The following CCDC88C variants were observed in gnomAD, a reference collection of about 807,000 sequenced individuals.
CCDC88C encodes the protein coiled-coil and HOOK domain protein 88C, also known as protein Daple.
In CCDC88C, 131 loss-of-function variants were observed where a neutral mutation model predicts 198.8. The observed-to-expected ratio is 0.66, with a 90% CI of 0.57 to 0.76. The LOEUF (loss-of-function observed/expected upper bound fraction) is 0.76, where lower values mean the gene tolerates loss of function less well. CCDC88C is among the 30% of genes least tolerant of loss of function. The probability of loss-of-function intolerance (pLI) is 0.00; values close to 1 mark genes in which losing one functional copy is unlikely to be tolerated. For missense variants in CCDC88C, 2,553 were observed against 2,631.6 expected, an observed-to-expected ratio of 0.97 and a Z score of 0.65; for synonymous variants, 1,166 against 1,114.7, an observed-to-expected ratio of 1.05 and a Z score of -0.92.
Position 91,321,155 on chromosome 14 carries a change from C to T in CCDC88C, c.1492G>A (p.Glu498Lys), listed in dbSNP as rs1183691475. Residue 498 changes from glutamate (E) to lysine (K), a missense_variant, in exon 13 of 30, where the codon GAG (glutamate) becomes AAG (lysine). Glu to Lys is a moderately conservative substitution (Grantham distance 56). Coordinates refer to ENST00000389857, the MANE Select transcript of CCDC88C (RefSeq NM_001080414.4). ...AGCTGGTGGTTCTCCTTCTCCAGCT[C>T]CCCGCACTTGAGGCCGCTCTCCTCC... ...VLEESGLKCGELEKENHQLSK... is the reference protein window; with the variant it reads ...VLEESGLKCGKLEKENHQLSK... 1 of 1,612,782 alleles carries T rather than the reference C, an allele frequency of 6.2e-7. No individual in the cohort carries two copies. The highest frequency in any genetic ancestry group is 1.1e-5 in the South Asian group (1 of 90,894).
At chr14:91,380,392 A>T (rs1201304918) in intron 3 of CCDC88C, among the ~76,000 whole-genome samples, 1 of 152,200 alleles carries the variant, frequency 6.6e-6, no homozygotes, top group Admixed American at 6.5e-5. Flanking sequence ...AGTTTTTAGA[A>T]GAGCGCCAAA....
chr14:91,281,101 T>C, intron 27 of CCDC88C: 1 of 476,134 alleles, frequency 2.1e-6, no homozygotes, highest in Non-Finnish European at 4.2e-6. Context: ...TCAGAGCTAC[T>C]ATGGGCAACT....
chr14:91,281,632 G>C (rs1724881428), intron 26 of CCDC88C, 107 bp from the exon 27 acceptor site: 1 of 924,296 alleles, frequency 1.1e-6, no homozygotes, highest in Non-Finnish European at 1.7e-6. Context: ...CCAGCTCTTG[G>C]GGATGAGGGA....
At position 91,273,168 on chromosome 14, in the gene CCDC88C, G is replaced by T; in HGVS notation, c.5544C>A (p.Pro1848=). 2 of 1,580,108 alleles carry T rather than the reference G, an allele frequency of 1.3e-6. No homozygotes were observed. Among genetic ancestry groups the T allele is most frequent in the East Asian group, 4.6e-5 (2 of 43,114 alleles). Residue 1848 remains proline, a synonymous_variant, in exon 30 of 30, where the codon CCC becomes CCA. Transcript: ENST00000389857. The surrounding 1 kb of genome is among the most constrained non-coding windows in gnomAD (Gnocchi z 5.6). ...CCAGGCTATGGGAGCTGGGGGGTGC[G>T]GGGCTTTGCAGGGTGTGGCTGCCTG... ...RETGSHTLQS[P]APPSSHSLAR... is the part of the protein sequence containing the mutation.
Position 91,395,365 on chromosome 14 carries a change from C to T in CCDC88C, c.270+13294G>A, listed in dbSNP as rs149764939. Among the ~76,000 whole-genome samples, 462 of 152,248 alleles carry T rather than the reference C, an allele frequency of 3.0e-3. 1 individual carries two copies. Among genetic ancestry groups the T allele is most frequent in the African/African-American group, 0.011 (439 of 41,544 alleles). ...AAACGTCTTGTGATCTCATTTGAGC[C>T]TCACAACCACCTATAAGGTAATTTT... On this transcript the variant is annotated intron_variant, in intron 3 of 29. Coordinates refer to ENST00000389857, the MANE Select transcript of CCDC88C (RefSeq NM_001080414.4).
chr14:91,277,673 C>A lies in CCDC88C; in HGVS notation c.5058+249G>T, dbSNP rs1031952137. Among the ~76,000 whole-genome samples, 11 of 152,336 alleles carry A rather than the reference C, an allele frequency of 7.2e-5. No individual in the cohort carries two copies. The South Asian group carries it at 1.2e-3, about 17-fold the overall frequency. On this transcript the variant is annotated intron_variant, in intron 29 of 29. Transcript: ENST00000389857. The stretch of plus-strand genomic sequence containing the variant: ...TGTAAGTCAGGTGCTGGCCACGCAC[C>A]CTTGGTGCGGGCCACAAGCTCTGCC...
intron 10 of CCDC88C, among the ~76,000 whole-genome samples, chr14:91,332,513 G>A (rs773616065): frequency 6.6e-6 from 1 of 152,152 alleles, no homozygotes; most frequent in Non-Finnish European, 1.5e-5. Context: ...TTGCCCTGAA[G>A]CCCGGGTCCT....
intron 3 of CCDC88C, among the ~76,000 whole-genome samples, chr14:91,395,082 G>C (rs1054320410): frequency 2.1e-4 from 32 of 152,180 alleles, no homozygotes; most frequent in Non-Finnish European, 1.5e-5. Flanking sequence ...AAGACTCTCA[G>C]AGATGAAGTA....
intron 3 of CCDC88C, among the ~76,000 whole-genome samples, chr14:91,365,346 G>C (rs1784834861): frequency 6.6e-6 from 1 of 152,192 alleles, no homozygotes; most frequent in South Asian, 2.1e-4. Flanking sequence ...AGGACCCAAG[G>C]AAAGGGGTCT....
At chr14:91,402,340 C>T (rs146846224) in intron 3 of CCDC88C, among the ~76,000 whole-genome samples, 2 of 152,282 alleles carry the variant, frequency 1.3e-5, no homozygotes, top group East Asian at 1.9e-4. Context: ...AACAAAATGT[C>T]CACATTTCTT....
At chr14:91,316,908 C>A (rs1892124849) in intron 13 of CCDC88C, among the ~76,000 whole-genome samples, 1 of 152,194 alleles carries the variant, frequency 6.6e-6, no homozygotes, top group Non-Finnish European at 1.5e-5. Flanking sequence ...TTTCTGGCCC[C>A]CAGAGGGTTT....
chr14:91,341,981 T>C (rs1042477931), intron 6 of CCDC88C, among the ~76,000 whole-genome samples: 1 of 152,218 alleles, frequency 6.6e-6, no homozygotes. Flanking sequence ...AAGCAGAGAA[T>C]CTCTCTATTC....
chr14:91,280,840 G>T (rs1393273489), intron 27 of CCDC88C, among the ~76,000 whole-genome samples: 1 of 152,256 alleles, frequency 6.6e-6, no homozygotes, highest in East Asian at 1.9e-4. Flanking sequence ...CCGTGGATAG[G>T]GGTAGGAGGT....
intron 15 of CCDC88C, among the ~76,000 whole-genome samples, chr14:91,311,407 C>T (rs1891817025): frequency 6.6e-6 from 1 of 152,212 alleles, no homozygotes; most frequent in African/African-American, 2.4e-5. Context: ...TGGCATGTGG[C>T]ACCCTGTGGT....
intron 29 of CCDC88C, among the ~76,000 whole-genome samples, chr14:91,276,283 C>T (rs1370639294): frequency 2.6e-5 from 4 of 152,254 alleles, no homozygotes; most frequent in East Asian, 1.9e-4. Context: ...TTCAAACGCA[C>T]GCCTGAGTTT....
chr14:91,327,624 G>A (rs1045367276), intron 10 of CCDC88C, among the ~76,000 whole-genome samples: 6 of 152,188 alleles, frequency 3.9e-5, no homozygotes, highest in East Asian at 3.8e-4. Flanking sequence ...CACTGCCCTC[G>A]GCTCCCTGAA....
intron 17 of CCDC88C, 60 bp downstream of exon 17, chr14:91,308,291 C>T: frequency 1.3e-6 from 2 of 1,598,172 alleles, no homozygotes; most frequent in Non-Finnish European, 1.7e-6. Context: ...AGGTGAGGGG[C>T]TGGAAAGGGT....
Position 91,350,904 on chromosome 14 carries a change from T to C in CCDC88C, c.341-7247A>G, listed in dbSNP as rs549200629. 2.0e-5 allele frequency among the ~76,000 whole-genome samples: 3 copies of C among 152,328 alleles called. No homozygotes were observed. The South Asian group carries it at 6.2e-4, about 32-fold the overall frequency. The stretch of plus-strand genomic sequence containing the variant: ...CCCCGAGGACGGCATGATGACTCCA[T>C]CTCAGAAATAGAAGGATGCAGCTCA... On this transcript the variant is annotated intron_variant, in intron 4 of 29. Coordinates refer to ENST00000389857, the MANE Select transcript of CCDC88C (RefSeq NM_001080414.4).
At chr14:91,308,130 C>A (rs1232872933) in intron 17 of CCDC88C, among the ~76,000 whole-genome samples, 1 of 152,216 alleles carries the variant, frequency 6.6e-6, no homozygotes, top group East Asian at 1.9e-4. Context: ...CTGCTCTAGG[C>A]CACTGCCCGC....
Sources: allele counts gnomAD v4.1 joint callset (sites outside exome capture counted in the v4.1 genomes callset), GRCh38; gene constraint gnomAD v4.1.1; non-coding constraint Gnocchi (gnomAD v3.1); transcripts MANE v1.5; gene names NCBI Gene and HGNC (gene_info 2026-07-23, HGNC 2026-07-21).